The following ITGA6 variants were observed in gnomAD, a reference collection of about 807,000 sequenced individuals.
The protein encoded by ITGA6 is integrin alpha-6.
A neutral mutation model predicts 133.6 loss-of-function variants in ITGA6; 63 were observed. The observed-to-expected ratio is 0.47, with a 90% CI of 0.38 to 0.58. The LOEUF (loss-of-function observed/expected upper bound fraction) is 0.58, where lower values mean the gene tolerates loss of function less well. ITGA6 is among the 20% of genes least tolerant of loss of function. ITGA6 has a pLI of 0.00. For synonymous variants in ITGA6, 434 were observed against 482.0 expected, an observed-to-expected ratio of 0.90 and a Z score of 1.30; for missense variants, 1,068 against 1,309.4, an observed-to-expected ratio of 0.82 and a Z score of 2.85.
At chr2:172,477,103 AT>A (rs200376260) in intron 9 of ITGA6, among the ~76,000 whole-genome samples, 50 of 149,490 alleles carry the variant, frequency 3.3e-4, no homozygotes, top group East Asian at 9.8e-4. Flanking sequence ...TTGCTTCGCA[AT>A]TTTTTTTTTT....
At chr2:172,498,211 CATT>C (rs1687208765) in intron 24 of ITGA6, 111 bp downstream of exon 24, 4 of 1,102,316 alleles carry the variant, frequency 3.6e-6, no homozygotes, top group African/African-American at 3.1e-5. Context: ...TTTTTTCTAA[CATT>C]ATGAAACTCT....
At chr2:172,476,264 T>C (rs1686169950) in intron 8 of ITGA6, 131 bp from the exon 9 acceptor site, 2 of 717,404 alleles carry the variant, frequency 2.8e-6, no homozygotes, top group South Asian at 3.0e-5. Context: ...ATGACTTGTA[T>C]ATAATATAAT....
chr2:172,432,622 C>T (rs184805436), intron 1 of ITGA6, among the ~76,000 whole-genome samples: 15 of 152,332 alleles, frequency 9.8e-5, no homozygotes, highest in Admixed American at 7.8e-4. Flanking sequence ...CAAAGAAACG[C>T]ACAAGACGTT....
At chr2:172,481,696 GA>G (rs2149060582) in intron 11 of ITGA6, among the ~76,000 whole-genome samples, 1 of 152,282 alleles carries the variant, frequency 6.6e-6, no homozygotes, top group South Asian at 2.1e-4. Flanking sequence ...GACCTTGCAC[GA>G]AGCATTCTTA....
At chr2:172,469,063 G>A in intron 3 of ITGA6, 62 bp from the exon 4 acceptor site, 1 of 1,568,654 alleles carries the variant, frequency 6.4e-7, no homozygotes, top group Non-Finnish European at 8.8e-7. Flanking sequence ...TTATTCATAT[G>A]TAATTTTTTA....
chr2:172,468,100 A>G (rs1471938632), intron 3 of ITGA6, among the ~76,000 whole-genome samples: 1 of 152,268 alleles, frequency 6.6e-6, no homozygotes, highest in Admixed American at 6.5e-5. Flanking sequence ...AAATATTCCT[A>G]CAACTCTAGA....
chr2:172,477,734 A>C (rs1318970563), intron 9 of ITGA6, among the ~76,000 whole-genome samples: 2 of 152,212 alleles, frequency 1.3e-5, no homozygotes. Flanking sequence ...CAACCCTTTG[A>C]TAAGAAGAGG....
At chr2:172,442,998 A>G (rs10207640) in intron 1 of ITGA6, among the ~76,000 whole-genome samples, 10,272 of 152,224 alleles carry the variant, frequency 0.067, 460 homozygotes, top group East Asian at 0.26. Context: ...AATAGGTAGT[A>G]CAGTCACATG....
chr2:172,427,858 T>C lies in ITGA6; in HGVS notation c.70T>C (p.Phe24Leu). The C allele has an allele frequency of 6.2e-7, 1 of 1,607,224 alleles. No individual in the cohort carries two copies. Among genetic ancestry groups the C allele is most frequent in the Non-Finnish European group, 8.5e-7 (1 of 1,177,336 alleles). ...GCTCCTGTCCCGGCTCGGCGCAGCC[T>C]TCAACTTGGACACTCGGGAGGACAA... is the stretch of plus-strand genomic sequence containing the variant. ...AGLLSRLGAAFNLDTREDNVI... is the reference protein window; with the variant it reads ...AGLLSRLGAALNLDTREDNVI... Residue 24 changes from phenylalanine to leucine, a missense_variant, in exon 1 of 26, where the codon TTC becomes CTC. Phe to Leu is a conservative substitution (Grantham distance 22, BLOSUM62 0). This residue lies in a region of ITGA6 where 142 missense variants were observed against 145.3 expected (regional missense o/e 0.98). Transcript: ENST00000684293.
intron 10 of ITGA6, 91 bp downstream of exon 10, chr2:172,479,830 T>C (rs529146010): frequency 2.4e-6 from 3 of 1,271,724 alleles, no homozygotes; most frequent in South Asian, 2.4e-5. Context: ...ACAGGGAAGA[T>C]GACAGGAGTG....
intron 11 of ITGA6, 44 bp from the exon 12 acceptor site, chr2:172,484,738 G>A: frequency 1.3e-6 from 2 of 1,517,634 alleles, no homozygotes; most frequent in Non-Finnish European, 1.8e-6. Context: ...TGGCTGGATT[G>A]TGCATGAATG....
intron 5 of ITGA6, among the ~76,000 whole-genome samples, chr2:172,471,334 T>G (rs1685926380): frequency 6.6e-6 from 1 of 152,158 alleles, no homozygotes; most frequent in Non-Finnish European, 1.5e-5. Flanking sequence ...AAGAAACCTC[T>G]TATCACCTAA....
rs1686953862 is a variant in ITGA6, at chr2:172,492,157, A to AG, written c.2988+636dup. 3.9e-5 allele frequency among the ~76,000 whole-genome samples: 6 copies of AG among 152,328 alleles called. No individual in the cohort carries two copies. In the South Asian group the frequency reaches 1.2e-3, roughly 32 times the overall value. On this transcript the variant is annotated intron_variant, in intron 23 of 25. Coordinates refer to ENST00000684293, the MANE Select transcript of ITGA6 (RefSeq NM_000210.4). ...GATTCCCACGTGGACAGAGCAGCTG[A>AG]GGTGGGGTCTGCTTGGTCCCACTTA...
intron 1 of ITGA6, among the ~76,000 whole-genome samples, chr2:172,458,339 A>G (rs1170387399): frequency 6.6e-6 from 1 of 151,428 alleles, no homozygotes; most frequent in Non-Finnish European, 1.5e-5. Context: ...TCCGGGGTGC[A>G]GGCAATTCTT....
At chr2:172,430,093 C>T (rs1358072119) in intron 1 of ITGA6, among the ~76,000 whole-genome samples, 1 of 152,186 alleles carries the variant, frequency 6.6e-6, no homozygotes, top group Non-Finnish European at 1.5e-5. Context: ...GAGATTCCTT[C>T]TCGGCCTTTT....
rs758780495 is a variant in ITGA6 at position 172,467,578 on chromosome 2, T to C, written c.387+18T>C. 12 of 1,590,454 alleles carry C rather than the reference T, an allele frequency of 7.5e-6. No homozygotes were observed. In the Admixed American group the frequency reaches 1.3e-4, roughly 18 times the overall value. On this transcript the variant is annotated intron_variant, in intron 3 of 25. Coordinates refer to ENST00000684293, the MANE Select transcript of ITGA6 (RefSeq NM_000210.4). Reference sequence around the variant, plus strand: ...AGGTCGTGGTAAGTGTAGAGACACATGTTCATCCTATACTGTTGGACTGCT... The same window carrying C: ...AGGTCGTGGTAAGTGTAGAGACACACGTTCATCCTATACTGTTGGACTGCT...
At chr2:172,457,071 A>G (rs1399720822) in intron 1 of ITGA6, among the ~76,000 whole-genome samples, 2 of 152,174 alleles carry the variant, frequency 1.3e-5, no homozygotes, top group Non-Finnish European at 2.9e-5. Flanking sequence ...AGTTGGGGAG[A>G]TCACTTGAGG....
intron 11 of ITGA6, among the ~76,000 whole-genome samples, chr2:172,482,748 A>T (rs1574392265): frequency 6.6e-6 from 1 of 152,190 alleles, no homozygotes; most frequent in Admixed American, 6.5e-5. Context: ...GGAGCATTCC[A>T]TTTGGCAGCT....
At chr2:172,440,253 A>C (rs775157530) in intron 1 of ITGA6, among the ~76,000 whole-genome samples, 3 of 152,204 alleles carry the variant, frequency 2.0e-5, no homozygotes, top group Non-Finnish European at 4.4e-5. Context: ...GTTCAAATCT[A>C]ATACATAGAA....
Sources: allele counts gnomAD v4.1 joint callset (sites outside exome capture counted in the v4.1 genomes callset), GRCh38; gene constraint gnomAD v4.1.1; regional missense constraint gnomAD v4.1.1; transcripts MANE v1.5; gene names NCBI Gene and HGNC (gene_info 2026-07-23, HGNC 2026-07-21).